The following LGR5 variants were observed in gnomAD, a reference collection of about 807,000 sequenced individuals.
The protein encoded by LGR5 is leucine-rich repeat-containing G protein-coupled receptor 5.
Under a neutral mutation model 76.7 loss-of-function variants are expected in LGR5, and 54 were observed. That is an observed-to-expected ratio of 0.70 (90% CI 0.57 to 0.88). The LOEUF (loss-of-function observed/expected upper bound fraction) is 0.88, where lower values mean the gene tolerates loss of function less well. Among genes scored for constraint, LGR5 ranks in the 40% least tolerant of loss-of-function variants. LGR5 has a pLI of 0.00. For missense variants in LGR5, 1,078 were observed against 1,073.3 expected (o/e 1.00, Z -0.06); for synonymous variants, 406 against 421.9 (o/e 0.96, Z 0.46).
chr12:71,496,387 AAAAAAG>A (rs1444017751), intron 1 of LGR5, among the ~76,000 whole-genome samples: 27 of 149,088 alleles, frequency 1.8e-4, no homozygotes, highest in South Asian at 8.6e-4. Context: ...AAAAAAAAAA[AAAAAAG>A]AGAGAGAGAG....
chr12:71,534,739 T>C (rs1478017705), intron 3 of LGR5, among the ~76,000 whole-genome samples: 1 of 152,204 alleles, frequency 6.6e-6, no homozygotes, highest in Non-Finnish European at 1.5e-5. Flanking sequence ...TACTCTTCTC[T>C]TTTCCTTGGT....
chr12:71,495,526 G>T (rs996705191), intron 1 of LGR5, among the ~76,000 whole-genome samples: 1 of 151,370 alleles, frequency 6.6e-6, no homozygotes, highest in African/African-American at 2.5e-5. Context: ...AGCTGGTTTT[G>T]CTTGCTCAGA....
chr12:71,558,739 T>A lies in LGR5; in HGVS notation c.717-847T>A, dbSNP rs185669889. On this transcript the variant is annotated intron_variant, in intron 6 of 17. Transcript: ENST00000266674. ...TCTGATTGCCTGACGAAAAGGTTTT[T>A]CTGCGTCATCTGGGAAATCTGCCAT... Among the ~76,000 whole-genome samples the A allele has an allele frequency of 4.3e-3, 649 of 152,338 alleles. 4 individuals are homozygous for A. Among genetic ancestry groups the A allele is most frequent in the African/African-American group, 0.015 (615 of 41,568 alleles).
At chr12:71,545,172 A>G (rs1303133060) in intron 4 of LGR5, among the ~76,000 whole-genome samples, 1 of 152,178 alleles carries the variant, frequency 6.6e-6, no homozygotes, top group African/African-American at 2.4e-5. Context: ...CCAGCCGGGC[A>G]CAGTGGCTCA....
At chr12:71,513,064 C>T (rs756025345) in intron 2 of LGR5, among the ~76,000 whole-genome samples, 8 of 152,142 alleles carry the variant, frequency 5.3e-5, no homozygotes, top group Non-Finnish European at 1.2e-4. Flanking sequence ...CCCAGAATGT[C>T]TGGTTCCCTG....
At chr12:71,458,673 T>C (rs1312767496) in intron 1 of LGR5, among the ~76,000 whole-genome samples, 3 of 152,172 alleles carry the variant, frequency 2.0e-5, no homozygotes, top group African/African-American at 7.2e-5. Context: ...TCTTTCATAG[T>C]GTCAGCTTCG....
chr12:71,440,917 C>A lies in LGR5; in HGVS notation c.212+625C>A, dbSNP rs1188240604. ...TAACGGCGTGATTAAAATGTGGCAA[C>A]CACAAACCCCGATTAGAGCTGCCAG... On this transcript the variant is annotated intron_variant, in intron 1 of 17. Coordinates refer to ENST00000266674, the MANE Select transcript of LGR5 (RefSeq NM_003667.4). This position sits in a 1 kb window ranked among gnomAD's most constrained non-coding sequence, Gnocchi z 5.3. Among the ~76,000 whole-genome samples, 1 of 152,054 alleles carries A rather than the reference C, an allele frequency of 6.6e-6. No individual in the cohort carries two copies. Among genetic ancestry groups the A allele is most frequent in the Non-Finnish European group, 1.5e-5 (1 of 68,008 alleles).
At chr12:71,537,877 C>A (rs1876681922) in intron 4 of LGR5, among the ~76,000 whole-genome samples, 1 of 152,106 alleles carries the variant, frequency 6.6e-6, no homozygotes, top group Non-Finnish European at 1.5e-5. Flanking sequence ...ATTGCCATCT[C>A]TTCTTGGACT....
chr12:71,560,529 T>C (rs1397176161), intron 7 of LGR5, among the ~76,000 whole-genome samples: 5 of 152,194 alleles, frequency 3.3e-5, no homozygotes, highest in South Asian at 2.1e-4. Context: ...CAATGGGTCA[T>C]GCCTGTAATC....
At chr12:71,488,490 C>A (rs1288310389) in intron 1 of LGR5, among the ~76,000 whole-genome samples, 1 of 152,138 alleles carries the variant, frequency 6.6e-6, no homozygotes, top group Non-Finnish European at 1.5e-5. Flanking sequence ...GTGTCATTTT[C>A]AAAAGACCCA....
intron 3 of LGR5, among the ~76,000 whole-genome samples, chr12:71,534,389 A>G (rs941606651): frequency 6.6e-6 from 1 of 152,230 alleles, no homozygotes; most frequent in Non-Finnish European, 1.5e-5. Context: ...ATACTTCACA[A>G]AAAGAATTTA....
At chr12:71,547,441 A>G (rs1877243028) in intron 4 of LGR5, among the ~76,000 whole-genome samples, 1 of 152,238 alleles carries the variant, frequency 6.6e-6, no homozygotes, top group African/African-American at 2.4e-5. Flanking sequence ...TTCAGGAAGA[A>G]TAAAATAAAT....
intron 1 of LGR5, among the ~76,000 whole-genome samples, chr12:71,503,704 A>T (rs78978071): frequency 6.6e-6 from 1 of 152,184 alleles, no homozygotes; most frequent in East Asian, 1.9e-4. Context: ...ATACAATGCC[A>T]TAAGTTCTGA....
intron 13 of LGR5, among the ~76,000 whole-genome samples, chr12:71,576,782 T>C (rs2137467867): frequency 6.6e-6 from 1 of 152,274 alleles, no homozygotes; most frequent in East Asian, 1.9e-4. Context: ...CAGGGCACCA[T>C]GATCTACTTA....
At chr12:71,456,605 T>C (rs1188610357) in intron 1 of LGR5, among the ~76,000 whole-genome samples, 9 of 152,164 alleles carry the variant, frequency 5.9e-5, no homozygotes. Context: ...ATTTTTCAAA[T>C]GGGCAGCTGC....
chr12:71,554,567 A>T (rs140582631), intron 5 of LGR5, among the ~76,000 whole-genome samples: 1 of 152,328 alleles, frequency 6.6e-6, no homozygotes, highest in African/African-American at 2.4e-5. Context: ...GTTTCAGAAA[A>T]AGACTGTTAT....
At position 71,563,119 on chromosome 12, in the gene LGR5, G is replaced by A. The variant is rs188179748; in HGVS notation, c.857+1267G>A. 5.3e-5 allele frequency among the ~76,000 whole-genome samples: 8 copies of A among 152,126 alleles called. No homozygotes were observed. In the East Asian group the frequency reaches 5.8e-4, roughly 11 times the overall value. On this transcript the variant is annotated intron_variant, in intron 8 of 17. Coordinates refer to ENST00000266674, the MANE Select transcript of LGR5 (RefSeq NM_003667.4). The stretch of plus-strand genomic sequence containing the variant: ...TGCTAATACTCCCTGAGGAACTAGC[G>A]GCGCCAACCCCAACTCTATATATAT...
At chr12:71,579,570 C>A (rs1196786952) in intron 15 of LGR5, among the ~76,000 whole-genome samples, 6 of 152,018 alleles carry the variant, frequency 3.9e-5, no homozygotes, top group Admixed American at 3.9e-4. Context: ...TTGATACAGG[C>A]ATGCAATATG....
chr12:71,457,569 A>G (rs1376617697), intron 1 of LGR5, among the ~76,000 whole-genome samples: 2 of 152,164 alleles, frequency 1.3e-5, no homozygotes, highest in Non-Finnish European at 1.5e-5. Context: ...AACTCCAGCT[A>G]AAGATAGTTT....
Sources: gnomAD v4.1 joint callset for allele counts (sites outside exome capture counted in the v4.1 genomes callset) on GRCh38, gnomAD v4.1.1 for gene constraint, Gnocchi (gnomAD v3.1) non-coding constraint, MANE v1.5 for transcripts, NCBI Gene and HGNC (gene_info 2026-07-23, HGNC 2026-07-21) for gene names.